Variants in CHD7 observed in about 807,000 individuals in gnomAD.
CHD7 encodes ATP-dependent chromatin remodeler CHD7.
In CHD7, 24 loss-of-function variants were observed where a neutral mutation model predicts 307.3. The observed-to-expected ratio is 0.08, with a 90% CI of 0.06 to 0.11. The LOEUF (loss-of-function observed/expected upper bound fraction) is 0.11. Among genes scored for constraint, CHD7 ranks in the 10% least tolerant of loss-of-function variants. The pLI, the probability that CHD7 is intolerant of heterozygous loss-of-function variation, is 1.00. For synonymous variants in CHD7, 1,363 were observed against 1,349.9 expected (o/e 1.01, Z -0.21); for missense variants, 3,106 against 3,727.1 (o/e 0.83, Z 4.34).
chr8:60,844,581 A>T (rs892176909), intron 21 of CHD7, among the ~76,000 whole-genome samples: 1 of 152,164 alleles, frequency 6.6e-6, no homozygotes, highest in Non-Finnish European at 1.5e-5. Flanking sequence ...ATGTCCTGAA[A>T]ATTGCTGCTA....
Position 60,851,082 on chromosome 8 carries a change from C to A in CHD7, c.5585C>A (p.Thr1862Lys), listed in dbSNP as rs764673467. Residue 1862 changes from threonine to lysine, a missense_variant, in exon 27 of 38, where the codon ACA becomes AAA. Coordinates refer to ENST00000423902, the MANE Select transcript of CHD7 (RefSeq NM_017780.4). ...DEDPEYKPTR[T>K]PFKDEIDEFA... Reference sequence around the variant, plus strand: ...GACCCAGAATATAAACCAACCAGAACACCGTTCAAAGATGAAATAGATGTA... The same window carrying A: ...GACCCAGAATATAAACCAACCAGAAAACCGTTCAAAGATGAAATAGATGTA... The A allele has an allele frequency of 5.7e-6, 9 of 1,573,026 alleles. No homozygotes were observed. The highest frequency in any genetic ancestry group is 7.8e-6 in the Non-Finnish European group (9 of 1,157,772).
In CHD7 at chr8:60,741,783, C is replaced by G. The variant is rs1809034933; in HGVS notation, c.351C>G (p.Gly117=). The change falls in exon 2 of 38, where the codon GGC becomes GGG. Residue 117 remains glycine (G), a synonymous_variant. Transcript: ENST00000423902. ...TPPVPQVPHG[G]SGGGQMGVYP... is the part of the protein sequence containing the mutation. ...CCGTTCCTCAGGTGCCCCATGGTGG[C>G]AGTGGTGGCGGTCAGATGGGTGTCT... The G allele has an allele frequency of 1.2e-6, 2 of 1,613,908 alleles. No individual in the cohort carries two copies. The highest frequency in any genetic ancestry group is 2.2e-5 in the South Asian group (2 of 91,060).
intron 1 of CHD7, among the ~76,000 whole-genome samples, chr8:60,728,201 T>C (rs1808266332): frequency 6.6e-6 from 1 of 152,274 alleles, no homozygotes. Context: ...TTGGAGGGTC[T>C]ACTCTGAAAG....
intron 29 of CHD7, 65 bp downstream of exon 29, chr8:60,852,312 C>G (rs1202884649): frequency 9.7e-6 from 14 of 1,438,050 alleles, no homozygotes; most frequent in Non-Finnish European, 5.7e-6. Context: ...TCCTGTAGAC[C>G]CACAAGAGAC....
At chr8:60,779,004 T>C (rs1811078507) in intron 2 of CHD7, among the ~76,000 whole-genome samples, 1 of 152,212 alleles carries the variant, frequency 6.6e-6, no homozygotes, top group Admixed American at 6.5e-5. Flanking sequence ...TACATCTGTG[T>C]ATTCTTCTTC....
chr8:60,706,743 C>G (rs891617171), intron 1 of CHD7, among the ~76,000 whole-genome samples: 1 of 151,990 alleles, frequency 6.6e-6, no homozygotes, highest in South Asian at 2.1e-4. Context: ...AGTTGACATG[C>G]TGGAAGTTAG....
chr8:60,687,218 A>C (rs927989249), intron 1 of CHD7, among the ~76,000 whole-genome samples: 1 of 152,260 alleles, frequency 6.6e-6, no homozygotes, highest in Non-Finnish European at 1.5e-5. Flanking sequence ...CCCTCGAAGA[A>C]TTATAAGCAT....
chr8:60,742,567 C>G lies in CHD7; in HGVS notation c.1135C>G (p.Gln379Glu). 1.9e-6 allele frequency: 3 copies of G among 1,614,014 alleles called. No homozygotes were observed. Among genetic ancestry groups the G allele is most frequent in the Non-Finnish European group, 2.5e-6 (3 of 1,179,894 alleles). Reference sequence around the variant, plus strand: ...TGGCTCACTTAACCAAATGAACACACAAACTATGCATCCTTCACAGCCTCA... The same window carrying G: ...TGGCTCACTTAACCAAATGAACACAGAAACTATGCATCCTTCACAGCCTCA... The part of the protein sequence containing the change: ...PSGSLNQMNT[Q>E]TMHPSQPQGT... The change falls in exon 2 of 38, where the codon CAA becomes GAA. Residue 379 changes from glutamine (Q) to glutamate (E), a missense_variant. Physicochemically the swap from Gln to Glu is conservative, Grantham distance 29 (BLOSUM62 2). This residue lies in a region of CHD7 where 998 missense variants were observed against 1,004.5 expected (regional missense o/e 0.99). Coordinates refer to ENST00000423902, the MANE Select transcript of CHD7 (RefSeq NM_017780.4).
At chr8:60,849,781 G>C (rs1446719455) in intron 25 of CHD7, among the ~76,000 whole-genome samples, 1 of 152,184 alleles carries the variant, frequency 6.6e-6, no homozygotes. Context: ...TTACAGTTTG[G>C]CTTGCGGCTC....
Position 60,741,288 on chromosome 8 carries a change from C to G in CHD7, c.-145C>G, listed in dbSNP as rs1039593757. ...TATATCCAGACTTTGCCTGACACTGCAGGGTCCAAGAGAATTAAAGAAATA... is the reference window on the plus strand; with the variant it reads ...TATATCCAGACTTTGCCTGACACTGGAGGGTCCAAGAGAATTAAAGAAATA... On this transcript the variant is annotated 5_prime_UTR_variant, in exon 2 of 38. Transcript: ENST00000423902. 1.5e-5 allele frequency: 10 copies of G among 676,612 alleles called. No homozygotes were observed. The African/African-American group carries it at 1.6e-4, about 11-fold the overall frequency. The allele number at this position is 676,612 out of a possible 1,614,324, so 41.9% of individuals were successfully genotyped here.
intron 2 of CHD7, among the ~76,000 whole-genome samples, chr8:60,760,018 T>G (rs1040868821): frequency 6.6e-6 from 1 of 152,190 alleles, no homozygotes; most frequent in Non-Finnish European, 1.5e-5. Context: ...TGCATTTGGA[T>G]TGCTGTGTAG....
chr8:60,852,978 T>G lies in CHD7; in HGVS notation c.6253T>G (p.Leu2085Val). ...GERLKLCQPS[L>V]DLPEWWECGR... ...GAGGCTTAAGCTCTGCCAGCCAAGC[T>G]TGGATCTGCCAGAGTGGTGGGAGTG... The change falls in exon 31 of 38, where the codon TTG (leucine) becomes GTG (valine). Residue 2085 changes from leucine to valine, a missense_variant. Leu to Val is a conservative substitution (Grantham distance 32, BLOSUM62 1). Around this residue, in one of 10 missense-constraint regions of CHD7, gnomAD observed 1,030 missense variants for 1,165.4 expected, o/e 0.88. Transcript: ENST00000423902. 2 of 1,613,958 alleles carry G rather than the reference T, an allele frequency of 1.2e-6. No homozygotes were observed. Among genetic ancestry groups the G allele is most frequent in the Non-Finnish European group, 1.7e-6 (2 of 1,179,880 alleles).
intron 1 of CHD7, among the ~76,000 whole-genome samples, chr8:60,719,721 G>T (rs1298717608): frequency 2.0e-5 from 3 of 152,140 alleles, no homozygotes; most frequent in African/African-American, 7.2e-5. Flanking sequence ...TCCAGTGAGC[G>T]CTGTGAAGGA....
intron 4 of CHD7, 71 bp downstream of exon 4, chr8:60,795,198 A>G: frequency 7.1e-7 from 1 of 1,416,970 alleles, no homozygotes; most frequent in Non-Finnish European, 9.8e-7. Context: ...TATGAAGTAC[A>G]CAAGACCTCC....
chr8:60,841,866 C>A lies in CHD7; in HGVS notation c.4664C>A (p.Thr1555Asn), dbSNP rs1296815856. 2 of 1,607,882 alleles carry A rather than the reference C, an allele frequency of 1.2e-6. No homozygotes were observed. Among genetic ancestry groups the A allele is most frequent in the Non-Finnish European group, 1.7e-6 (2 of 1,176,682 alleles). The stretch of plus-strand genomic sequence containing the variant: ...TATTAGAACAACCTGGTTATTGATA[C>A]TCCAAGAGTGAGAAAGCAGACCAGG... ...LNGRNNLVID[T>N]PRVRKQTRLY... The change falls in exon 21 of 38, where the codon ACT (threonine) becomes AAT (asparagine). Residue 1555 changes from threonine (T) to asparagine (N), a missense_variant. By Grantham distance (65) the Thr-to-Asn change is moderately conservative (BLOSUM62 0). Around this residue, in one of 10 missense-constraint regions of CHD7, gnomAD observed 122 missense variants for 124.5 expected, o/e 0.98. Coordinates refer to ENST00000423902, the MANE Select transcript of CHD7 (RefSeq NM_017780.4).
At chr8:60,757,418 C>A (rs938540684) in intron 2 of CHD7, among the ~76,000 whole-genome samples, 2 of 152,122 alleles carry the variant, frequency 1.3e-5, no homozygotes, top group African/African-American at 4.8e-5. Flanking sequence ...AAAAAAAATT[C>A]TCTTTTTCAG....
At chr8:60,821,661 T>C in intron 9 of CHD7, 129 bp from the exon 10 acceptor site, 1 of 665,418 alleles carries the variant, frequency 1.5e-6, no homozygotes, top group Non-Finnish European at 2.3e-6. Context: ...TACACATACA[T>C]ATATATGTAT....
At position 60,810,368 on chromosome 8, in the gene CHD7, G is replaced by GGA. The variant is rs750210689; in HGVS notation, c.2498+2108_2498+2109dup. The stretch of plus-strand genomic sequence containing the variant: ...TAGTCCCTCTCAGTGGATAGGACTG[G>GGA]GAGAGAGAGAGAGTGTGTGTGTGTG... On this transcript the variant is annotated intron_variant, in intron 7 of 37. Transcript: ENST00000423902. Among the ~76,000 whole-genome samples, 701 of 145,656 alleles carry GGA rather than the reference G, an allele frequency of 4.8e-3. 6 individuals carry two copies. The highest frequency in any genetic ancestry group is 0.017 in the Middle Eastern group (5 of 288).
chr8:60,785,939 AC>A (rs1262480856), intron 3 of CHD7, among the ~76,000 whole-genome samples: 1 of 151,908 alleles, frequency 6.6e-6, no homozygotes, highest in Admixed American at 6.6e-5. Flanking sequence ...AATGTTTTGC[AC>A]CCTGTGCCTG....
Sources: gnomAD v4.1 joint callset for allele counts (sites outside exome capture counted in the v4.1 genomes callset) on GRCh38, gnomAD v4.1.1 for gene constraint, gnomAD v4.1.1 regional missense constraint, MANE v1.5 for transcripts, NCBI Gene and HGNC (gene_info 2026-07-23, HGNC 2026-07-21) for gene names.